Variants in CYP2J2 observed in about 807,000 individuals in gnomAD.
CYP2J2 encodes the protein cytochrome P450 family 2 subfamily J member 2.
CYP2J2 carries 41 observed loss-of-function variants against 48.8 expected under a neutral mutation model. That is an observed-to-expected ratio of 0.84 (90% CI 0.66 to 1.09). The LOEUF (loss-of-function observed/expected upper bound fraction) is 1.09. CYP2J2 is among the 50% of genes least tolerant of loss of function. The pLI, the probability that CYP2J2 is intolerant of heterozygous loss-of-function variation, is 0.00. For synonymous variants in CYP2J2, 221 were observed against 227.1 expected, an observed-to-expected ratio of 0.97 and a Z score of 0.24; for missense variants, 644 against 617.3, an observed-to-expected ratio of 1.04 and a Z score of -0.46.
At chr1:59,908,390 T>C (rs1277095690) in intron 5 of CYP2J2, among the ~76,000 whole-genome samples, 1 of 152,168 alleles carries the variant, frequency 6.6e-6, no homozygotes, top group African/African-American at 2.4e-5. Context: ...GCAGAGCAAA[T>C]ACTCAACAAA....
chr1:59,915,598 C>T (rs1296687164), intron 2 of CYP2J2, among the ~76,000 whole-genome samples: 1 of 152,100 alleles, frequency 6.6e-6, no homozygotes, highest in East Asian at 1.9e-4. Flanking sequence ...AGATCCACAT[C>T]CATTTTCCTA....
chr1:59,953,265 T>C, the CYP2J2 span, among the ~76,000 whole-genome samples: 1 of 152,150 alleles, frequency 6.6e-6, no homozygotes, highest in African/African-American at 2.4e-5. Context: ...AGTCTAATTA[T>C]TAGTGTGGGA....
intron 2 of CYP2J2, among the ~76,000 whole-genome samples, chr1:59,913,873 G>GA (rs1183274243): frequency 1.3e-5 from 2 of 152,122 alleles, no homozygotes; most frequent in Admixed American, 1.3e-4. Flanking sequence ...TTAATGTTAG[G>GA]ATAACAACTA....
rs542958283 is a variant in CYP2J2, at chr1:59,921,200, T to C, written c.211-5100A>G. On this transcript the variant is annotated intron_variant, in intron 1 of 8. Coordinates refer to ENST00000371204, the MANE Select transcript of CYP2J2 (RefSeq NM_000775.4). ...AAACATGTGAGTACATCAATTGTCCTCTAACCATGTCATGAAAAGTCAGGC... is the reference window on the plus strand; with the variant it reads ...AAACATGTGAGTACATCAATTGTCCCCTAACCATGTCATGAAAAGTCAGGC... 1.2e-4 allele frequency among the ~76,000 whole-genome samples: 19 copies of C among 152,344 alleles called. No individual in the cohort carries two copies. The South Asian group carries it at 3.7e-3, about 30-fold the overall frequency.
the CYP2J2 span, among the ~76,000 whole-genome samples, chr1:59,931,894 G>C: frequency 6.6e-6 from 1 of 152,066 alleles, no homozygotes; most frequent in Non-Finnish European, 1.5e-5. Flanking sequence ...AGGATAATTT[G>C]AGATTTAAAA....
chr1:59,914,243 G>A (rs1368089338), intron 2 of CYP2J2, among the ~76,000 whole-genome samples: 1 of 152,090 alleles, frequency 6.6e-6, no homozygotes, highest in East Asian at 1.9e-4. Flanking sequence ...TCTTCTGACT[G>A]TTCCATCACT....
At chr1:59,914,634 G>C (rs1433546484) in intron 2 of CYP2J2, among the ~76,000 whole-genome samples, 1 of 152,144 alleles carries the variant, frequency 6.6e-6, no homozygotes, top group Non-Finnish European at 1.5e-5. Flanking sequence ...CCATTCTCTA[G>C]TCTTGATAAA....
chr1:59,914,296 T>C (rs1559076919), intron 2 of CYP2J2, among the ~76,000 whole-genome samples: 1 of 152,196 alleles, frequency 6.6e-6, no homozygotes, highest in Non-Finnish European at 1.5e-5. Context: ...ATACAGTGAA[T>C]GGATATAGAA....
the CYP2J2 span, among the ~76,000 whole-genome samples, chr1:59,935,243 A>G: frequency 6.6e-6 from 1 of 151,750 alleles, no homozygotes; most frequent in African/African-American, 2.4e-5. Context: ...GCAGTTTACT[A>G]GGGATTGCAG....
chr1:59,897,205 G>C (rs1644277076), intron 8 of CYP2J2, among the ~76,000 whole-genome samples: 2 of 152,082 alleles, frequency 1.3e-5, no homozygotes, highest in African/African-American at 4.8e-5. Flanking sequence ...ATGCTAAAAT[G>C]ATACCAAGTC....
At chr1:59,914,769 A>AC (rs985929178) in intron 2 of CYP2J2, among the ~76,000 whole-genome samples, 11 of 152,260 alleles carry the variant, frequency 7.2e-5, no homozygotes, top group African/African-American at 2.6e-4. Flanking sequence ...GACCTGACCG[A>AC]CCCCCAGCCT....
chr1:59,918,187 T>A (rs1452529355), intron 1 of CYP2J2, among the ~76,000 whole-genome samples: 1 of 152,050 alleles, frequency 6.6e-6, no homozygotes, highest in Non-Finnish European at 1.5e-5. Flanking sequence ...CATTAAGCAA[T>A]TTTTTTAATG....
At chr1:59,945,720 T>C in the CYP2J2 span, among the ~76,000 whole-genome samples, 1 of 152,220 alleles carries the variant, frequency 6.6e-6, no homozygotes, top group Non-Finnish European at 1.5e-5. Flanking sequence ...AAAGTCCTGT[T>C]GGCAACTTGA....
At chr1:59,922,101 G>T (rs1332295032) in intron 1 of CYP2J2, among the ~76,000 whole-genome samples, 3 of 152,200 alleles carry the variant, frequency 2.0e-5, no homozygotes, top group African/African-American at 7.2e-5. Flanking sequence ...TATCTTGTGT[G>T]TATCTTTTAT....
At chr1:59,934,989 GATATATATATATATATATATATATACAT>G in the CYP2J2 span, among the ~76,000 whole-genome samples, 119 of 58,398 alleles carry the variant, frequency 2.0e-3, 4 homozygotes, top group African/African-American at 4.4e-3. Context: ...AAGAAAATGG[GATATATATATATATATATATATATACAT>G]ATATATATAT....
the CYP2J2 span, among the ~76,000 whole-genome samples, chr1:59,955,889 A>T: frequency 1.3e-5 from 2 of 151,962 alleles, no homozygotes; most frequent in Admixed American, 6.6e-5. Flanking sequence ...GCTATAAAGG[A>T]CATCAAGTGT....
chr1:59,939,470 G>A, the CYP2J2 span, among the ~76,000 whole-genome samples: 1 of 152,202 alleles, frequency 6.6e-6, no homozygotes, highest in Non-Finnish European at 1.5e-5. Context: ...GCTGCCTAGA[G>A]TTGGGGGTGG....
At chr1:59,945,690 T>G in the CYP2J2 span, among the ~76,000 whole-genome samples, 1 of 152,218 alleles carries the variant, frequency 6.6e-6, no homozygotes, top group Non-Finnish European at 1.5e-5. Flanking sequence ...GAGAATCAGC[T>G]GCTCTAGCCA....
the CYP2J2 span, among the ~76,000 whole-genome samples, chr1:59,937,473 A>G: frequency 6.6e-6 from 1 of 152,012 alleles, no homozygotes; most frequent in African/African-American, 2.4e-5. Context: ...AATTAGTGTT[A>G]GCCATAGGCT....
Sources: allele counts gnomAD v4.1 joint callset (sites outside exome capture counted in the v4.1 genomes callset), GRCh38; gene constraint gnomAD v4.1.1; transcripts MANE v1.5; gene names NCBI Gene and HGNC (gene_info 2026-07-23, HGNC 2026-07-21).